USP20: variants seen among roughly 807,000 people sequenced by gnomAD.
USP20 encodes ubiquitin specific peptidase 20.
A neutral mutation model predicts 124.2 loss-of-function variants in USP20; 80 were observed. The ratio of observed to expected loss-of-function variants is 0.64; its 90% CI spans 0.54 to 0.78. The LOEUF (loss-of-function observed/expected upper bound fraction) is 0.78, where lower values mean the gene tolerates loss of function less well. USP20 is among the 30% of genes least tolerant of loss of function. The pLI is 0.00. For synonymous variants in USP20, 481 were observed against 512.3 expected, an observed-to-expected ratio of 0.94 and a Z score of 0.83; for missense variants, 1,043 against 1,244.4, an observed-to-expected ratio of 0.84 and a Z score of 2.44.
chr9:129,863,397 G>A lies in USP20; in HGVS notation c.611+98G>A, dbSNP rs571140418. On this transcript the variant is annotated intron_variant, in intron 9 of 25. Transcript: ENST00000372429. ...ACTTCCTGTGGATTCAGCCCCCAGCGAGGACTTGCCTCACTTTGTCCCGGG... is the reference window on the plus strand; with the variant it reads ...ACTTCCTGTGGATTCAGCCCCCAGCAAGGACTTGCCTCACTTTGTCCCGGG... The A allele has an allele frequency of 3.9e-4, 379 of 962,760 alleles. No homozygotes were observed. In the African/African-American group the frequency reaches 5.3e-3, roughly 13 times the overall value. 59.6% of individuals were successfully genotyped at this position (962,760 alleles called of 1,614,324 possible).
chr9:129,871,991 C>T (rs2034151191), intron 15 of USP20, among the ~76,000 whole-genome samples: 1 of 152,174 alleles, frequency 6.6e-6, no homozygotes, highest in Admixed American at 6.5e-5. Context: ...GCTGGGATTA[C>T]CGGCGTGAGC....
chr9:129,874,953 C>T lies in USP20; in HGVS notation c.2046C>T (p.Tyr682=). 1 of 1,613,380 alleles carries T rather than the reference C, an allele frequency of 6.2e-7. No individual in the cohort carries two copies. Among genetic ancestry groups the T allele is most frequent in the Non-Finnish European group, 8.5e-7 (1 of 1,179,872 alleles). ...ACGCCGAGGGCTACGTACTCTTCTACAGGTGGGCGCTGGGCCAGGCCTGGT... is the reference window on the plus strand; with the variant it reads ...ACGCCGAGGGCTACGTACTCTTCTATAGGTGGGCGCTGGGCCAGGCCTGGT... ...VQNAEGYVLF[Y]RKSSEEAMRE... is the part of the protein sequence containing the mutation. Residue 682 remains tyrosine (Y), a splice_region_variant and synonymous_variant, in exon 19 of 26, where the codon TAC becomes TAT. Coordinates refer to ENST00000372429, the MANE Select transcript of USP20 (RefSeq NM_001110303.4).
intron 21 of USP20, 97 bp from the exon 22 acceptor site, chr9:129,876,033 G>A: frequency 9.3e-7 from 1 of 1,072,514 alleles, no homozygotes; most frequent in Non-Finnish European, 1.4e-6. Context: ...CGCTGAGGGG[G>A]CACTGATGGC....
intron 17 of USP20, among the ~76,000 whole-genome samples, 182 bp downstream of exon 17, chr9:129,873,926 C>A (rs1438099674): frequency 6.6e-6 from 1 of 152,144 alleles, no homozygotes; most frequent in African/African-American, 2.4e-5. Flanking sequence ...ATTTTTCCAA[C>A]TGTGACTTGG....
intron 1 of USP20, among the ~76,000 whole-genome samples, chr9:129,837,952 A>G (rs2031960941): frequency 6.6e-6 from 1 of 152,158 alleles, no homozygotes. Context: ...GGCTGTTCTT[A>G]GCCTTTTACC....
At chr9:129,865,181 C>A in intron 9 of USP20, 122 bp from the exon 10 acceptor site, 1 of 988,112 alleles carries the variant, frequency 1.0e-6, no homozygotes, top group Non-Finnish European at 1.6e-6. Flanking sequence ...TGAGTAGGCC[C>A]CTCCCCAAAT....
intron 14 of USP20, chr9:129,870,187 C>T (rs2034045350): frequency 3.5e-6 from 2 of 565,376 alleles, no homozygotes; most frequent in East Asian, 3.0e-5. Context: ...GGCCAGAGAC[C>T]CGCATGACCC....
At chr9:129,877,248 G>A (rs2034447290) in intron 22 of USP20, among the ~76,000 whole-genome samples, 1 of 152,244 alleles carries the variant, frequency 6.6e-6, no homozygotes, top group Non-Finnish European at 1.5e-5. Context: ...CCTGGGCATG[G>A]TGGCTCACGC....
chr9:129,880,366 T>C (rs2131108432), intron 25 of USP20, 77 bp downstream of exon 25: 3 of 1,453,212 alleles, frequency 2.1e-6, no homozygotes, highest in Non-Finnish European at 2.7e-6. Context: ...CATGTCCTTT[T>C]GAACATCCAA....
chr9:129,866,454 C>T (rs890748222), intron 10 of USP20, among the ~76,000 whole-genome samples: 1 of 152,344 alleles, frequency 6.6e-6, no homozygotes, highest in East Asian at 1.9e-4. Flanking sequence ...AGCTGAGGCT[C>T]AGAGAGGTTC....
At chr9:129,855,711 C>T (rs1344974227) in intron 3 of USP20, among the ~76,000 whole-genome samples, 4 of 152,194 alleles carry the variant, frequency 2.6e-5, no homozygotes, top group African/African-American at 7.2e-5. Flanking sequence ...CTGCAGCAGG[C>T]TAGCTGTGTG....
At chr9:129,871,163 C>T (rs947639752) in intron 15 of USP20, among the ~76,000 whole-genome samples, 2 of 152,118 alleles carry the variant, frequency 1.3e-5, no homozygotes, top group African/African-American at 2.4e-5. Flanking sequence ...ACTCAGTATC[C>T]GTGAAACAGC....
At chr9:129,852,830 G>A (rs2033000290) in intron 3 of USP20, among the ~76,000 whole-genome samples, 194 bp downstream of exon 3, 1 of 152,144 alleles carries the variant, frequency 6.6e-6, no homozygotes, top group African/African-American at 2.4e-5. Flanking sequence ...ATTAATTATA[G>A]TTTAGACAAG....
chr9:129,869,249 G>A (rs1160329843), intron 12 of USP20, 61 bp from the exon 13 acceptor site: 45 of 1,533,890 alleles, frequency 2.9e-5, no homozygotes, highest in Non-Finnish European at 5.4e-6. Context: ...AAGCCGCAGG[G>A]CCCGCACCTC....
intron 4 of USP20, among the ~76,000 whole-genome samples, chr9:129,856,858 T>C (rs1344004633): frequency 6.6e-6 from 1 of 152,140 alleles, no homozygotes; most frequent in Admixed American, 6.5e-5. Flanking sequence ...CAGGAGACAG[T>C]GTCCGGGAGA....
chr9:129,838,518 A>C (rs541401435), intron 1 of USP20, among the ~76,000 whole-genome samples: 48 of 152,342 alleles, frequency 3.2e-4, no homozygotes, highest in African/African-American at 8.4e-4. Flanking sequence ...ACGACTGCTC[A>C]AACTGGGTTT....
Position 129,835,481 on chromosome 9 carries a change from G to A in USP20, c.-147G>A, listed in dbSNP as rs2031736795. 2.5e-6 allele frequency: 1 copy of A among 403,336 alleles called. No homozygotes were observed. Among genetic ancestry groups the A allele is most frequent in the East Asian group, 4.8e-5 (1 of 20,946 alleles). The allele number at this position is 403,336 out of a possible 1,614,324, so 25.0% of individuals were successfully genotyped here. ...GCGCGCTTGACTGACAGGCGGCGGC[G>A]GCGCAGTTGCGAGTGCAGGTGAGTT... On this transcript the variant is annotated 5_prime_UTR_variant, in exon 1 of 26. Coordinates refer to ENST00000372429, the MANE Select transcript of USP20 (RefSeq NM_001110303.4).
chr9:129,873,663 G>A, intron 16 of USP20, 36 bp from the exon 17 acceptor site: 1 of 1,613,398 alleles, frequency 6.2e-7, no homozygotes, highest in Admixed American at 1.7e-5. Context: ...TGGCCCTGAT[G>A]CCGGACACTG....
chr9:129,856,723 C>G (rs2033236680), intron 4 of USP20, among the ~76,000 whole-genome samples: 1 of 152,182 alleles, frequency 6.6e-6, no homozygotes, highest in Non-Finnish European at 1.5e-5. Context: ...CTGGGCCAGT[C>G]TCATTTTTTC....
Sources: allele counts gnomAD v4.1 joint callset (sites outside exome capture counted in the v4.1 genomes callset), GRCh38; gene constraint gnomAD v4.1.1; transcripts MANE v1.5; gene names NCBI Gene and HGNC (gene_info 2026-07-23, HGNC 2026-07-21).